The following ZNF277 variants were observed in gnomAD, a reference collection of about 807,000 sequenced individuals.
The protein encoded by ZNF277 is zinc finger protein 277.
A neutral mutation model predicts 60.7 loss-of-function variants in ZNF277; 55 were observed. That is an observed-to-expected ratio of 0.91 (90% CI 0.73 to 1.13). ZNF277 has a LOEUF of 1.13. Ranked by LOEUF, ZNF277 falls within the 50% of genes most tolerant of loss-of-function variation. ZNF277 has a pLI of 0.00. For missense variants in ZNF277, 510 were observed against 523.0 expected (o/e 0.98, Z 0.24); for synonymous variants, 178 against 179.3 (o/e 0.99, Z 0.06).
chr7:112,326,131 T>A (rs1461831822), intron 5 of ZNF277, among the ~76,000 whole-genome samples: 1 of 152,066 alleles, frequency 6.6e-6, no homozygotes, highest in Non-Finnish European at 1.5e-5. Context: ...TGATCCTAGA[T>A]AGACTGAGGG....
At chr7:112,322,829 TATA>T (rs1445842137) in intron 5 of ZNF277, among the ~76,000 whole-genome samples, 1 of 152,150 alleles carries the variant, frequency 6.6e-6, no homozygotes, top group African/African-American at 2.4e-5. Context: ...ATTTAAGTAA[TATA>T]ATGTGGCAAC....
chr7:112,310,686 G>T (rs752612164), intron 4 of ZNF277, among the ~76,000 whole-genome samples: 1 of 151,946 alleles, frequency 6.6e-6, no homozygotes, highest in South Asian at 2.1e-4. Flanking sequence ...GGAGAAATAG[G>T]AAATTCTGCT....
Position 112,340,856 on chromosome 7 carries a change from A to G in ZNF277, c.1010-16A>G, listed in dbSNP as rs1793429667. The G allele has an allele frequency of 6.2e-7, 1 of 1,607,806 alleles. No individual in the cohort carries two copies. Among genetic ancestry groups the G allele is most frequent in the African/African-American group, 1.3e-5 (1 of 74,680 alleles). ...CTGAACAGTTGTCTAATGATTCTGT[A>G]TTTTGTCATTTTCAGGATTAAATTT... On this transcript the variant is annotated splice_polypyrimidine_tract_variant and intron_variant, in intron 10 of 11. Coordinates refer to ENST00000361822, the MANE Select transcript of ZNF277 (RefSeq NM_021994.3).
At chr7:112,220,322 C>A (rs1029699602) in intron 1 of ZNF277, among the ~76,000 whole-genome samples, 1 of 138,932 alleles carries the variant, frequency 7.2e-6, no homozygotes, top group African/African-American at 2.7e-5. Flanking sequence ...AATGGTATTT[C>A]TTTTTTAATT....
chr7:112,316,989 A>G (rs962834951), intron 4 of ZNF277, among the ~76,000 whole-genome samples: 2 of 152,086 alleles, frequency 1.3e-5, no homozygotes, highest in Admixed American at 1.3e-4. Context: ...GGGCAAGTTC[A>G]TGTCCTTAGC....
chr7:112,264,171 G>A (rs1463975861), intron 1 of ZNF277, among the ~76,000 whole-genome samples: 1 of 151,802 alleles, frequency 6.6e-6, no homozygotes, highest in Non-Finnish European at 1.5e-5. Context: ...ATATTACTGT[G>A]CATAAGCCAA....
chr7:112,281,070 CT>C (rs1386759949), intron 1 of ZNF277, among the ~76,000 whole-genome samples: 1 of 152,190 alleles, frequency 6.6e-6, no homozygotes, highest in Non-Finnish European at 1.5e-5. Context: ...ACAGAATAGA[CT>C]GTCAGATAAG....
chr7:112,341,304 TAC>T lies in ZNF277; in HGVS notation c.1184+260_1184+261del, dbSNP rs547766066. ...TACATATGTAGAGAGATGAAGTAGA[TAC>T]AGATTTTTTAAATTATATTTTATTA... On this transcript the variant is annotated intron_variant, in intron 11 of 11. Coordinates refer to ENST00000361822, the MANE Select transcript of ZNF277 (RefSeq NM_021994.3). Among the ~76,000 whole-genome samples, 929 of 152,344 alleles carry T rather than the reference TAC, an allele frequency of 6.1e-3. 8 individuals are homozygous for T. The highest frequency in any genetic ancestry group is 0.011 in the Non-Finnish European group (721 of 68,040).
chr7:112,318,163 A>G lies in ZNF277; in HGVS notation c.466-19A>G, dbSNP rs1365049605. 1.3e-6 allele frequency: 2 copies of G among 1,599,070 alleles called. No individual in the cohort carries two copies. The highest frequency in any genetic ancestry group is 1.7e-6 in the Non-Finnish European group (2 of 1,166,610). On this transcript the variant is annotated intron_variant, in intron 4 of 11. Coordinates refer to ENST00000361822, the MANE Select transcript of ZNF277 (RefSeq NM_021994.3). ...ATTGTGCATTAAGATAATACCATAA[A>G]TCTGTTTCTACTTTCCAGAGAGAAA...
chr7:112,328,073 T>C, intron 6 of ZNF277: 1 of 300,838 alleles, frequency 3.3e-6, no homozygotes, highest in Admixed American at 5.3e-5. Context: ...GTATGCCGTA[T>C]AGGATATGAA....
intron 1 of ZNF277, among the ~76,000 whole-genome samples, chr7:112,258,245 A>T (rs1467513247): frequency 6.6e-6 from 1 of 152,152 alleles, no homozygotes; most frequent in Non-Finnish European, 1.5e-5. Context: ...AATACATTTT[A>T]GCATCTAATA....
At chr7:112,294,330 A>T (rs1792277263) in intron 2 of ZNF277, among the ~76,000 whole-genome samples, 1 of 152,148 alleles carries the variant, frequency 6.6e-6, no homozygotes, top group Non-Finnish European at 1.5e-5. Context: ...AGCCTTTTGT[A>T]GGTACTTTTT....
intron 7 of ZNF277, among the ~76,000 whole-genome samples, chr7:112,330,633 C>T (rs866446414): frequency 6.9e-6 from 1 of 145,914 alleles, no homozygotes; most frequent in Non-Finnish European, 1.5e-5. Flanking sequence ...GGCACGATCT[C>T]GGCTCACTGC....
intron 1 of ZNF277, among the ~76,000 whole-genome samples, chr7:112,271,788 T>G (rs1791674770): frequency 1.3e-5 from 2 of 152,136 alleles, no homozygotes; most frequent in Non-Finnish European, 2.9e-5. Context: ...CATTCTTTTT[T>G]TTTTAATTTT....
intron 1 of ZNF277, among the ~76,000 whole-genome samples, chr7:112,210,112 GTTGTGC>G (rs1241398925): frequency 6.6e-6 from 1 of 152,000 alleles, no homozygotes; most frequent in African/African-American, 2.4e-5. Context: ...AAACCTCCAA[GTTGTGC>G]ACATGTACCC....
chr7:112,276,747 C>T (rs927287401), intron 1 of ZNF277, among the ~76,000 whole-genome samples: 4 of 152,154 alleles, frequency 2.6e-5, no homozygotes, highest in Admixed American at 6.5e-5. Flanking sequence ...AAAGGGTTAA[C>T]TTTAATGGTG....
chr7:112,226,553 A>C (rs999170164), intron 1 of ZNF277, among the ~76,000 whole-genome samples: 1 of 152,216 alleles, frequency 6.6e-6, no homozygotes, highest in Admixed American at 6.5e-5. Context: ...GAACAACAAC[A>C]AAAAAGTTTC....
chr7:112,336,782 G>C (rs1274964674), intron 8 of ZNF277, among the ~76,000 whole-genome samples: 1 of 152,158 alleles, frequency 6.6e-6, no homozygotes, highest in Non-Finnish European at 1.5e-5. Flanking sequence ...TTGATGCATA[G>C]AGATTCAGGC....
chr7:112,206,706 T>C lies in ZNF277; in HGVS notation c.-11T>C, dbSNP rs749436061. 1.9e-6 allele frequency: 3 copies of C among 1,612,836 alleles called. No individual in the cohort carries two copies. Among genetic ancestry groups the C allele is most frequent in the Non-Finnish European group, 2.5e-6 (3 of 1,179,664 alleles). On this transcript the variant is annotated 5_prime_UTR_variant, in exon 1 of 12. Transcript: ENST00000361822. ...CGCCCTGCGGCCCTCCCTTTTCTTT[T>C]CTGCCGGGTAATGGCTGCTTCCAAG...
Sources: allele counts gnomAD v4.1 joint callset (sites outside exome capture counted in the v4.1 genomes callset), GRCh38; gene constraint gnomAD v4.1.1; transcripts MANE v1.5; gene names NCBI Gene and HGNC (gene_info 2026-07-23, HGNC 2026-07-21).